RHOD: variants seen among roughly 807,000 people sequenced by gnomAD.
The protein encoded by RHOD is rho-related GTP-binding protein RhoD.
A neutral mutation model predicts 16.7 loss-of-function variants in RHOD; 11 were observed. The ratio of observed to expected loss-of-function variants is 0.66; its 90% confidence interval spans 0.41 to 1.09. The LOEUF is 1.09. RHOD is among the 50% of genes least tolerant of loss of function. The pLI, the probability that RHOD is intolerant of heterozygous loss-of-function variation, is 0.00. For missense variants in RHOD, 271 were observed against 291.7 expected, an observed-to-expected ratio of 0.93 and a Z score of 0.52; for synonymous variants, 124 against 126.3, an observed-to-expected ratio of 0.98 and a Z score of 0.12.
At chr11:67,067,488 C>T (rs1854972269) in intron 3 of RHOD, among the ~76,000 whole-genome samples, 1 of 152,170 alleles carries the variant, frequency 6.6e-6, no homozygotes, top group Non-Finnish European at 1.5e-5. Flanking sequence ...CCCCGGCCAA[C>T]CTTATGGAGT....
chr11:67,058,233 T>C (rs1181917854), intron 1 of RHOD, among the ~76,000 whole-genome samples: 1 of 152,230 alleles, frequency 6.6e-6, no homozygotes, highest in Non-Finnish European at 1.5e-5. Flanking sequence ...TAGAGTGCAG[T>C]GGCACAATCT....
intron 1 of RHOD, among the ~76,000 whole-genome samples, chr11:67,059,756 C>G (rs1466775444): frequency 6.6e-6 from 1 of 152,164 alleles, no homozygotes; most frequent in Non-Finnish European, 1.5e-5. Context: ...TCCACAGCCC[C>G]CAGTGCTCTG....
intron 1 of RHOD, among the ~76,000 whole-genome samples, chr11:67,060,711 G>A (rs963585049): frequency 1.7e-4 from 26 of 152,236 alleles, no homozygotes; most frequent in Admixed American, 1.6e-3. Flanking sequence ...CTGACGTTCC[G>A]AGCTTGCAAG....
intron 1 of RHOD, among the ~76,000 whole-genome samples, chr11:67,063,508 T>A (rs10896151): frequency 0.38 from 49,654 of 131,334 alleles, 9,258 homozygotes; most frequent in Admixed American, 0.49. Flanking sequence ...TTTTTTTTTT[T>A]AAAAAAAGGC....
chr11:67,068,904 G>C (rs1321144248), intron 3 of RHOD, among the ~76,000 whole-genome samples: 1 of 152,042 alleles, frequency 6.6e-6, no homozygotes, highest in Non-Finnish European at 1.5e-5. Flanking sequence ...AATCTGCCAG[G>C]GACCCCACAA....
At chr11:67,070,289 T>C (rs1325662559) in intron 3 of RHOD, 136 bp from the exon 4 acceptor site, 2 of 908,908 alleles carry the variant, frequency 2.2e-6, no homozygotes, top group Non-Finnish European at 3.5e-6. Flanking sequence ...TACCAAATAG[T>C]TTCTCCCTAG....
At chr11:67,066,071 C>T in intron 2 of RHOD, 88 bp downstream of exon 2, 1 of 1,074,482 alleles carries the variant, frequency 9.3e-7, no homozygotes, top group Non-Finnish European at 1.4e-6. Context: ...CCTTCTGAAC[C>T]AGGGAGGCCA....
intron 4 of RHOD, among the ~76,000 whole-genome samples, chr11:67,071,215 G>A (rs1361651249): frequency 2.6e-5 from 4 of 152,028 alleles, no homozygotes; most frequent in South Asian, 2.1e-4. Flanking sequence ...CAGCCTGGAC[G>A]ACAGAGCAAG....
chr11:67,071,035 C>T (rs1855023371), intron 4 of RHOD, among the ~76,000 whole-genome samples: 1 of 152,026 alleles, frequency 6.6e-6, no homozygotes, highest in Non-Finnish European at 1.5e-5. Flanking sequence ...GAGTTCGAGA[C>T]CAGCCAGGGC....
intron 1 of RHOD, among the ~76,000 whole-genome samples, chr11:67,057,627 C>T (rs956460854): frequency 1.3e-5 from 2 of 152,354 alleles, no homozygotes; most frequent in African/African-American, 4.8e-5. Context: ...ATGGGCTCTG[C>T]CTTGGAGGGT....
chr11:67,070,307 C>A, intron 3 of RHOD, 118 bp from the exon 4 acceptor site: 1 of 1,081,000 alleles, frequency 9.3e-7, no homozygotes, highest in Non-Finnish European at 1.4e-6. Context: ...TAGGTGCTGG[C>A]TTTGCTGATT....
chr11:67,063,698 C>T (rs143906703), intron 1 of RHOD, among the ~76,000 whole-genome samples: 1 of 148,122 alleles, frequency 6.8e-6, no homozygotes. Flanking sequence ...ACTCACAAGG[C>T]TGAGGCAGAA....
intron 1 of RHOD, among the ~76,000 whole-genome samples, chr11:67,057,600 G>T (rs145574516): frequency 2.6e-5 from 4 of 152,346 alleles, no homozygotes; most frequent in African/African-American, 7.2e-5. Flanking sequence ...AGCTCTTGCC[G>T]CTGGAAAGCA....
At chr11:67,064,269 G>T (rs1306452006) in intron 1 of RHOD, among the ~76,000 whole-genome samples, 6 of 151,440 alleles carry the variant, frequency 4.0e-5, no homozygotes, top group African/African-American at 1.5e-4. Flanking sequence ...AGCCGGGCGT[G>T]GTGGCGGGCG....
intron 1 of RHOD, among the ~76,000 whole-genome samples, chr11:67,057,418 C>A (rs1854826719): frequency 1.3e-5 from 2 of 152,254 alleles, no homozygotes; most frequent in South Asian, 2.1e-4. Context: ...AGTCCCCTAA[C>A]CCTGCTGTGC....
Position 67,065,890 on chromosome 11 carries a change from C to A in RHOD, c.133-6C>A. 1 of 1,612,420 alleles carries A rather than the reference C, an allele frequency of 6.2e-7. No individual in the cohort carries two copies. On this transcript the variant is annotated splice_region_variant and splice_polypyrimidine_tract_variant and intron_variant, in intron 1 of 4. Coordinates refer to ENST00000308831, the MANE Select transcript of RHOD (RefSeq NM_014578.4). ...TCACACCCTCCCCCGCCCTGCTTCT[C>A]CTCAGAGCTACACCCCCACGGTGTT...
At chr11:67,057,169 A>G in intron 1 of RHOD, 135 bp downstream of exon 1, 1 of 1,096,510 alleles carries the variant, frequency 9.1e-7, no homozygotes. Context: ...GGTCCAGGGC[A>G]GAGTTCTTCC....
At chr11:67,061,434 A>G (rs1347463555) in intron 1 of RHOD, among the ~76,000 whole-genome samples, 1 of 152,042 alleles carries the variant, frequency 6.6e-6, no homozygotes, top group Non-Finnish European at 1.5e-5. Context: ...GAAGTTCGAG[A>G]CCAGCCTGAC....
chr11:67,071,381 G>A, intron 4 of RHOD, 54 bp from the exon 5 acceptor site: 2 of 1,491,126 alleles, frequency 1.3e-6, no homozygotes, highest in Non-Finnish European at 1.8e-6. Flanking sequence ...AAGCGAGAAC[G>A]TGAGGCCTGC....
Sources: gnomAD v4.1 joint callset for allele counts (sites outside exome capture counted in the v4.1 genomes callset) on GRCh38, gnomAD v4.1.1 for gene constraint, MANE v1.5 for transcripts, NCBI Gene and HGNC (gene_info 2026-07-23, HGNC 2026-07-21) for gene names.